Variants in PARD3 observed in about 807,000 individuals in gnomAD.
PARD3 encodes par-3 family cell polarity regulator, also known as partitioning defective 3 homolog.
In PARD3, 75 loss-of-function variants were observed where a neutral mutation model predicts 155.4. The observed-to-expected ratio is 0.48, with a 90% CI of 0.40 to 0.58. The LOEUF (loss-of-function observed/expected upper bound fraction) is 0.58. Ranked by LOEUF, PARD3 falls within the 20% of genes least tolerant of loss-of-function variation. PARD3 has a pLI of 0.00. For synonymous variants in PARD3, 576 were observed against 610.5 expected, an observed-to-expected ratio of 0.94 and a Z score of 0.83; for missense variants, 1,642 against 1,721.7, an observed-to-expected ratio of 0.95 and a Z score of 0.82.
chr10:34,412,975 G>T (rs569949257), intron 5 of PARD3, among the ~76,000 whole-genome samples: 39 of 152,004 alleles, frequency 2.6e-4, no homozygotes, highest in African/African-American at 8.9e-4. Context: ...TCACACTGGG[G>T]GATCAGAACT....
chr10:34,558,110 T>C (rs764656415), intron 2 of PARD3, among the ~76,000 whole-genome samples: 3 of 152,174 alleles, frequency 2.0e-5, no homozygotes, highest in Non-Finnish European at 4.4e-5. Flanking sequence ...CAGAATACAC[T>C]GAACGTTTCT....
At chr10:34,469,959 C>T (rs747620279) in intron 4 of PARD3, 126 bp downstream of exon 4, 10 of 646,186 alleles carry the variant, frequency 1.5e-5, no homozygotes, top group South Asian at 5.8e-5. Flanking sequence ...GTTGGTACCA[C>T]GCTCACAAAA....
chr10:34,383,322 A>C (rs182776994), intron 8 of PARD3, among the ~76,000 whole-genome samples: 89 of 152,224 alleles, frequency 5.8e-4, no homozygotes, highest in African/African-American at 2.1e-3. Context: ...TTTTCAAAGA[A>C]AGACAGAGCT....
At chr10:34,746,491 A>C (rs895899260) in intron 1 of PARD3, among the ~76,000 whole-genome samples, 1 of 152,190 alleles carries the variant, frequency 6.6e-6, no homozygotes, top group Non-Finnish European at 1.5e-5. Flanking sequence ...AAATAGTAAC[A>C]CATTTATTAA....
chr10:34,320,862 A>C (rs1434407270), intron 19 of PARD3, among the ~76,000 whole-genome samples: 2 of 152,214 alleles, frequency 1.3e-5, no homozygotes, highest in African/African-American at 4.8e-5. Context: ...ATACATTATC[A>C]CAGAAACTCT....
chr10:34,637,057 T>C (rs2092503193), intron 2 of PARD3, among the ~76,000 whole-genome samples: 1 of 152,080 alleles, frequency 6.6e-6, no homozygotes, highest in Non-Finnish European at 1.5e-5. Context: ...TAAAAACAAA[T>C]CTGAAAGTAC....
At chr10:34,790,081 T>C (rs1177469798) in intron 1 of PARD3, among the ~76,000 whole-genome samples, 1 of 152,212 alleles carries the variant, frequency 6.6e-6, no homozygotes, top group Non-Finnish European at 1.5e-5. Flanking sequence ...ATGTTCTGGG[T>C]TAATTATTGA....
At chr10:34,312,266 T>C (rs1957739804) in intron 20 of PARD3, 1 of 1,603,922 alleles carries the variant, frequency 6.2e-7, no homozygotes, top group Non-Finnish European at 8.5e-7. Context: ...TAAGAATTCA[T>C]TAAAAGTAAA....
intron 1 of PARD3, among the ~76,000 whole-genome samples, chr10:34,766,578 A>G (rs1409360621): frequency 6.8e-6 from 1 of 146,786 alleles, no homozygotes; most frequent in African/African-American, 2.6e-5. Flanking sequence ...ATCAGCCAAG[A>G]TTCCTACCAG....
At chr10:34,760,889 C>T (rs1837361669) in intron 1 of PARD3, among the ~76,000 whole-genome samples, 1 of 152,150 alleles carries the variant, frequency 6.6e-6, no homozygotes, top group South Asian at 2.1e-4. Context: ...CACCTCAAGT[C>T]CTGGCCCACA....
intron 2 of PARD3, among the ~76,000 whole-genome samples, chr10:34,618,563 T>A (rs375304198): frequency 1.0e-3 from 152 of 148,754 alleles, no homozygotes; most frequent in Admixed American, 1.4e-3. Context: ...CAATTCATTT[T>A]AAAAAAAAAA....
intron 5 of PARD3, among the ~76,000 whole-genome samples, chr10:34,434,097 T>G (rs995954763): frequency 2.0e-5 from 3 of 152,086 alleles, no homozygotes; most frequent in African/African-American, 7.2e-5. Flanking sequence ...AGGAGGCAGG[T>G]GGCAGGAGAT....
At chr10:34,506,599 C>G (rs899937715) in intron 3 of PARD3, among the ~76,000 whole-genome samples, 1 of 152,146 alleles carries the variant, frequency 6.6e-6, no homozygotes, top group African/African-American at 2.4e-5. Flanking sequence ...TCTAAGTCTG[C>G]TCCACTGTCA....
At chr10:34,407,809 G>T (rs1844648190) in intron 5 of PARD3, among the ~76,000 whole-genome samples, 2 of 150,808 alleles carry the variant, frequency 1.3e-5, no homozygotes, top group African/African-American at 4.9e-5. Flanking sequence ...ATTCCAGCCT[G>T]GGCAACAGAG....
chr10:34,156,611 G>A (rs572211401), intron 22 of PARD3, among the ~76,000 whole-genome samples: 12 of 152,310 alleles, frequency 7.9e-5, no homozygotes, highest in African/African-American at 2.6e-4. Context: ...ACTCGGAAGC[G>A]ATGAACAAGA....
chr10:34,422,269 C>G (rs2075354595), intron 5 of PARD3, among the ~76,000 whole-genome samples: 2 of 152,204 alleles, frequency 1.3e-5, no homozygotes, highest in South Asian at 4.1e-4. Context: ...GGTTCCTCAA[C>G]CAGAAAACTG....
At chr10:34,612,667 T>C (rs996785560) in intron 2 of PARD3, among the ~76,000 whole-genome samples, 1 of 152,240 alleles carries the variant, frequency 6.6e-6, no homozygotes, top group African/African-American at 2.4e-5. Context: ...TAGAGGGCTA[T>C]AGTGAGGTTT....
chr10:34,138,734 A>G (rs1043827046), intron 22 of PARD3, among the ~76,000 whole-genome samples: 3 of 152,206 alleles, frequency 2.0e-5, no homozygotes, highest in Non-Finnish European at 4.4e-5. Flanking sequence ...ATCAGCTTAT[A>G]TCATTTGGCC....
chr10:34,501,235 C>T (rs917565413), intron 3 of PARD3, among the ~76,000 whole-genome samples: 3 of 152,034 alleles, frequency 2.0e-5, no homozygotes, highest in East Asian at 1.9e-4. Flanking sequence ...ATCCTGGGGA[C>T]GATTCCTTCA....
Sources: allele counts gnomAD v4.1 joint callset (sites outside exome capture counted in the v4.1 genomes callset), GRCh38; gene constraint gnomAD v4.1.1; transcripts MANE v1.5; gene names NCBI Gene and HGNC (gene_info 2026-07-23, HGNC 2026-07-21).